The following CEP78 variants were observed in gnomAD, a reference collection of about 807,000 sequenced individuals.
The protein encoded by CEP78 is centrosomal protein 78, also known as centrosomal protein of 78 kDa.
In CEP78, 76 loss-of-function variants were observed where a neutral mutation model predicts 81.2. The ratio of observed to expected loss-of-function variants is 0.94; its 90% CI spans 0.78 to 1.13. The LOEUF is 1.13. Among genes scored for constraint, CEP78 ranks in the 50% most tolerant of loss-of-function variants. The probability of loss-of-function intolerance (pLI) is 0.00; values close to 1 mark genes in which losing one functional copy is unlikely to be tolerated. For synonymous variants in CEP78, 293 were observed against 301.4 expected, an observed-to-expected ratio of 0.97 and a Z score of 0.29; for missense variants, 918 against 846.8, an observed-to-expected ratio of 1.08 and a Z score of -1.04.
rs770910332 is a variant in CEP78, at chr9:78,251,983, T to C, written c.1145T>C (p.Leu382Pro). The C allele has an allele frequency of 2.5e-6, 4 of 1,607,696 alleles. No individual in the cohort carries two copies. Among genetic ancestry groups the C allele is most frequent in the Non-Finnish European group, 3.4e-6 (4 of 1,175,548 alleles). ...LGKEYYAPAP[L>P]PPGVSGFLPW... ...AAAGAATATTATGCGCCCGCACCTC[T>C]TCCACCTGGTGTGTCTGGTTTCTTG... is the stretch of plus-strand genomic sequence containing the variant. Residue 382 changes from leucine (L) to proline (P), a missense_variant, in exon 9 of 17, where the codon CTT becomes CCT. Physicochemically the swap from Leu to Pro is moderately conservative, Grantham distance 98. Coordinates refer to ENST00000643273, the MANE Select transcript of CEP78 (RefSeq NM_001330691.3).
Position 78,265,867 on chromosome 9 carries a change from T to C in CEP78, c.1806T>C (p.Ile602=). 7.2e-7 allele frequency: 1 copy of C among 1,387,810 alleles called. No homozygotes were observed. Among genetic ancestry groups the C allele is most frequent in the Non-Finnish European group, 1.0e-6 (1 of 997,404 alleles). The allele number at this position is 1,387,810 out of a possible 1,614,324, so 86.0% of individuals were successfully genotyped here. A position where few individuals can be genotyped will look rare whatever the true frequency, so the allele number is the denominator to read the frequency against. Residue 602 remains isoleucine (I), a synonymous_variant, in exon 15 of 17, where the codon ATT becomes ATC. Coordinates refer to ENST00000643273, the MANE Select transcript of CEP78 (RefSeq NM_001330691.3). ...LGQMQNIQVS[I]CMQSAYNEGT... ...ATTCATATTCCATCTAGGTTTCTAT[T>C]TGTATGCAGTCAGCTTACAATGAAG...
At position 78,240,314 on chromosome 9, in the gene CEP78, T is replaced by G; in HGVS notation, c.449T>G (p.Leu150Trp). ...LAKGLNKSASLVHLSLANCPI... is the reference protein window; with the variant it reads ...LAKGLNKSASWVHLSLANCPI... ...AAGGGATTGAATAAATCGGCTTCTT[T>G]GGTGCACCTGTCTCTTGCAAATTGT... Residue 150 changes from leucine (L) to tryptophan (W), a missense_variant, in exon 3 of 17, where the codon TTG becomes TGG. Coordinates refer to ENST00000643273, the MANE Select transcript of CEP78 (RefSeq NM_001330691.3). 1 of 1,599,056 alleles carries G rather than the reference T, an allele frequency of 6.3e-7. No homozygotes were observed. Among genetic ancestry groups the G allele is most frequent in the Non-Finnish European group, 8.5e-7 (1 of 1,171,516 alleles).
At chr9:78,257,670 G>C (rs1349924331) in intron 11 of CEP78, among the ~76,000 whole-genome samples, 1 of 152,164 alleles carries the variant, frequency 6.6e-6, no homozygotes, top group East Asian at 1.9e-4. Context: ...CTGTTGGCAT[G>C]AACATAAAAC....
In CEP78 at chr9:78,252,463, A is replaced by C. The variant is rs538026231; in HGVS notation, c.1205+420A>C. Among the ~76,000 whole-genome samples the C allele has an allele frequency of 3.3e-5, 5 of 152,288 alleles. No individual in the cohort carries two copies. The East Asian group carries it at 9.6e-4, about 29-fold the overall frequency. On this transcript the variant is annotated intron_variant, in intron 9 of 16. Coordinates refer to ENST00000643273, the MANE Select transcript of CEP78 (RefSeq NM_001330691.3). ...GATTAGACTTAATCTAACTCAGCCA[A>C]CTGGCCTAACTCATTTTAGTGAATC... is the stretch of plus-strand genomic sequence containing the variant.
At chr9:78,245,137 G>T (rs1175306342) in intron 5 of CEP78, among the ~76,000 whole-genome samples, 1 of 151,818 alleles carries the variant, frequency 6.6e-6, no homozygotes, top group Non-Finnish European at 1.5e-5. Context: ...TTATTTCTGT[G>T]TGTCTTGTGG....
At position 78,273,780 on chromosome 9, in the gene CEP78, G is replaced by T. The variant is rs190319061; in HGVS notation, c.*2929G>T. 6.6e-6 allele frequency: 1 copy of T among 152,096 alleles called. No individual in the cohort carries two copies. The highest frequency in any genetic ancestry group is 1.5e-5 in the Non-Finnish European group (1 of 68,012). The allele number at this position is 152,096 out of a possible 1,614,324, so 9.4% of individuals were successfully genotyped here. ...AAAACCTTCATCTTAAAATTATAGG[G>T]TAAGAATTTAGAAATACAAGGAAAA... On this transcript the variant is annotated 3_prime_UTR_variant, in exon 17 of 17. Transcript: ENST00000643273.
chr9:78,254,091 G>A (rs191102876), intron 10 of CEP78: 8 of 152,280 alleles, frequency 5.3e-5, no homozygotes, highest in Admixed American at 3.9e-4. Flanking sequence ...AAACGTATTG[G>A]ACAACATTCC....
intron 16 of CEP78, chr9:78,267,215 A>T (rs1827582071): frequency 2.5e-6 from 1 of 402,406 alleles, no homozygotes; most frequent in Admixed American, 3.4e-5. Context: ...AGGGGCTAGT[A>T]TGTATAATAT....
chr9:78,272,911 C>T lies in CEP78; in HGVS notation c.*2060C>T, dbSNP rs1263034928. The T allele has an allele frequency of 1.3e-5, 2 of 152,138 alleles. No individual in the cohort carries two copies. The highest frequency in any genetic ancestry group is 2.9e-5 in the Non-Finnish European group (2 of 68,036). The allele number at this position is 152,138 out of a possible 1,614,324, so 9.4% of individuals were successfully genotyped here. On this transcript the variant is annotated 3_prime_UTR_variant, in exon 17 of 17. Transcript: ENST00000643273. ...GCTTCTGTCTAGATGTGACATATGT[C>T]ACTTCTGTTCACATTTCTTTGGCCA...
In CEP78 at chr9:78,236,264, C is replaced by T. The variant is rs1825921810; in HGVS notation, c.-87C>T. The stretch of plus-strand genomic sequence containing the variant: ...GCCGCTATCGCCTGGCCGTGGGTGC[C>T]GGAGCGGCCGGGTTGCGACTCAGCG... On this transcript the variant is annotated 5_prime_UTR_variant, in exon 1 of 17. Transcript: ENST00000643273. 1 of 1,232,014 alleles carries T rather than the reference C, an allele frequency of 8.1e-7. No individual in the cohort carries two copies. The highest frequency in any genetic ancestry group is 1.1e-6 in the Non-Finnish European group (1 of 898,310). The allele number at this position is 1,232,014 out of a possible 1,614,324, so 76.3% of individuals were successfully genotyped here.
At position 78,236,509 on chromosome 9, in the gene CEP78, G is replaced by A. The variant is rs767578924; in HGVS notation, c.159G>A (p.Val53=). Residue 53 remains valine, a synonymous_variant, in exon 1 of 17, where the codon GTG becomes GTA. Coordinates refer to ENST00000643273, the MANE Select transcript of CEP78 (RefSeq NM_001330691.3). ...TCAACGCCGACCGCCTCCGCGGGGTGGACTGGGCGCCTCTGCTGAGCACCC... is the reference window on the plus strand; with the variant it reads ...TCAACGCCGACCGCCTCCGCGGGGTAGACTGGGCGCCTCTGCTGAGCACCC... ...LDFNADRLRG[V]DWAPLLSTLK... 3.7e-6 allele frequency: 6 copies of A among 1,606,724 alleles called. No individual in the cohort carries two copies. The highest frequency in any genetic ancestry group is 5.1e-6 in the Non-Finnish European group (6 of 1,176,710).
intron 8 of CEP78, among the ~76,000 whole-genome samples, chr9:78,251,536 T>C (rs1474140750): frequency 6.6e-6 from 1 of 152,192 alleles, no homozygotes; most frequent in Non-Finnish European, 1.5e-5. Flanking sequence ...ACTTAAAATT[T>C]CTGCATAATG....
At chr9:78,269,882 C>G (rs1239185520) in intron 16 of CEP78, among the ~76,000 whole-genome samples, 1 of 152,172 alleles carries the variant, frequency 6.6e-6, no homozygotes, top group East Asian at 1.9e-4. Context: ...CTCATTTATG[C>G]AGCAGGATCT....
chr9:78,249,104 G>T, intron 8 of CEP78: 3 of 208,734 alleles, frequency 1.4e-5, no homozygotes, highest in South Asian at 2.7e-4. Context: ...ACCCTTATTT[G>T]TTTTTCATAC....
chr9:78,269,237 A>C (rs1177380722), intron 16 of CEP78, among the ~76,000 whole-genome samples: 2 of 152,146 alleles, frequency 1.3e-5, no homozygotes, highest in Non-Finnish European at 2.9e-5. Context: ...GGAAGTAAGG[A>C]AAAAAGAGGC....
At chr9:78,239,818 A>T (rs952025644) in intron 1 of CEP78, among the ~76,000 whole-genome samples, 2 of 152,184 alleles carry the variant, frequency 1.3e-5, no homozygotes, top group Admixed American at 1.3e-4. Flanking sequence ...TCTTGAAGCC[A>T]TCCTTTCAGT....
rs1370496949 is a variant in CEP78 at position 78,265,425 on chromosome 9, T to A, written c.1679T>A (p.Leu560Gln). The change falls in exon 14 of 17, where the codon CTA becomes CAA. Residue 560 changes from leucine (L) to glutamine (Q), a missense_variant. Leu to Gln is a moderately radical substitution (Grantham distance 113, BLOSUM62 -2). Transcript: ENST00000643273. ...ATAGATCAGTCAGATTTTCAATTAC[T>A]AGGTCATCCCCAGATGACTTCTACT... ...AGIDQSDFQL[L>Q]GHPQMTSTVS... 6.2e-6 allele frequency: 10 copies of A among 1,605,122 alleles called. No homozygotes were observed. Among genetic ancestry groups the A allele is most frequent in the Non-Finnish European group, 8.5e-6 (10 of 1,175,628 alleles).
chr9:78,236,087 G>C lies in CEP78; in HGVS notation c.-264G>C, dbSNP rs942603026. The stretch of plus-strand genomic sequence containing the variant: ...GGCACCGCCCACCGGCTTGAATCCC[G>C]GCGCCTCAGAGGACTATGAGGCGGG... On this transcript the variant is annotated 5_prime_UTR_variant, in exon 1 of 17. Coordinates refer to ENST00000643273, the MANE Select transcript of CEP78 (RefSeq NM_001330691.3). The C allele has an allele frequency of 4.1e-6, 2 of 484,998 alleles. No individual in the cohort carries two copies. Among genetic ancestry groups the C allele is most frequent in the East Asian group, 3.9e-5 (1 of 25,972 alleles). 30.0% of individuals were successfully genotyped at this position (484,998 alleles called of 1,614,324 possible). A position where few individuals can be genotyped will look rare whatever the true frequency, so the allele number is the denominator to read the frequency against.
intron 11 of CEP78, among the ~76,000 whole-genome samples, chr9:78,262,266 T>C (rs551830338): frequency 3.3e-5 from 5 of 152,044 alleles, no homozygotes; most frequent in Admixed American, 3.3e-4. Flanking sequence ...TCCTGTGACA[T>C]TATGTTGGTA....
Sources: allele counts gnomAD v4.1 joint callset (sites outside exome capture counted in the v4.1 genomes callset), GRCh38; gene constraint gnomAD v4.1.1; transcripts MANE v1.5; gene names NCBI Gene and HGNC (gene_info 2026-07-23, HGNC 2026-07-21).